Variants in OTUD7A observed in about 807,000 individuals in gnomAD.
The protein encoded by OTUD7A is OTU deubiquitinase 7A, also known as OTU domain-containing protein 7A.
A neutral mutation model predicts 65.7 loss-of-function variants in OTUD7A; 12 were observed. The ratio of observed to expected loss-of-function variants is 0.18; its 90% CI spans 0.12 to 0.30. OTUD7A has a LOEUF of 0.30. Among genes scored for constraint, OTUD7A ranks in the 10% least tolerant of loss-of-function variants. OTUD7A has a pLI of 1.00. For missense variants in OTUD7A, 1,148 were observed against 1,304.8 expected (o/e 0.88, Z 1.85); for synonymous variants, 641 against 586.3 (o/e 1.09, Z -1.35).
chr15:31,535,997 G>A (rs1353640739), intron 5 of OTUD7A, among the ~76,000 whole-genome samples: 1 of 152,100 alleles, frequency 6.6e-6, no homozygotes, highest in East Asian at 1.9e-4. Context: ...GTTTTCTAGT[G>A]AACTCATGTC....
chr15:31,620,306 C>G (rs1431446698), intron 3 of OTUD7A, among the ~76,000 whole-genome samples: 1 of 152,178 alleles, frequency 6.6e-6, no homozygotes, highest in Non-Finnish European at 1.5e-5. Context: ...AGGATTCCCT[C>G]TTTTTCTATT....
chr15:31,855,074 C>A (rs1897534030), intron 1 of OTUD7A, among the ~76,000 whole-genome samples: 1 of 151,936 alleles, frequency 6.6e-6, no homozygotes, highest in Admixed American at 6.5e-5. Context: ...AATTAACATT[C>A]TTGAATTGTT....
intron 1 of OTUD7A, among the ~76,000 whole-genome samples, chr15:31,782,822 A>G (rs931829703): frequency 1.3e-5 from 2 of 152,202 alleles, no homozygotes; most frequent in African/African-American, 4.8e-5. Context: ...GGCCTGGAGC[A>G]AGAGCTTGGC....
chr15:31,617,520 C>A (rs7161987), intron 3 of OTUD7A, among the ~76,000 whole-genome samples: 43,769 of 151,830 alleles, frequency 0.29, 7,462 homozygotes, highest in African/African-American at 0.47. Flanking sequence ...ATAACTCTGG[C>A]AAGACTTATA....
intron 1 of OTUD7A, among the ~76,000 whole-genome samples, chr15:31,756,670 AC>A (rs1894824359): frequency 5.2e-5 from 5 of 95,480 alleles, no homozygotes; most frequent in African/African-American, 1.5e-4. Context: ...ACACACACAC[AC>A]ACACACACAC....
chr15:31,869,755 G>C (rs751487077), intron 1 of OTUD7A, among the ~76,000 whole-genome samples: 1 of 152,240 alleles, frequency 6.6e-6, no homozygotes, highest in Non-Finnish European at 1.5e-5. Context: ...GGCTGCAATA[G>C]CTTCACCGGG....
At chr15:31,799,034 C>T (rs1206038220) in intron 1 of OTUD7A, among the ~76,000 whole-genome samples, 1 of 152,200 alleles carries the variant, frequency 6.6e-6, no homozygotes, top group Non-Finnish European at 1.5e-5. Context: ...CAAGAGGCAG[C>T]CACACAATTA....
chr15:31,482,916 G>A lies in OTUD7A; in HGVS notation c.*378C>T, dbSNP rs1490192258. Reference sequence around the variant, plus strand: ...GCTACCTGGAAGAGGTCATCGCTAGGGTAGGAGAAAAAAAAAAAAGCAAAA... The same window carrying A: ...GCTACCTGGAAGAGGTCATCGCTAGAGTAGGAGAAAAAAAAAAAAGCAAAA... On this transcript the variant is annotated 3_prime_UTR_variant, in exon 13 of 13. Transcript: ENST00000307050. The A allele has an allele frequency of 7.1e-6, 1 of 141,712 alleles. No homozygotes were observed. The highest frequency in any genetic ancestry group is 1.6e-5 in the Non-Finnish European group (1 of 63,402). The allele number at this position is 141,712 out of a possible 1,614,324, so 8.8% of individuals were successfully genotyped here.
chr15:31,769,089 A>T (rs538351833), intron 1 of OTUD7A, among the ~76,000 whole-genome samples: 2 of 152,254 alleles, frequency 1.3e-5, no homozygotes, highest in Non-Finnish European at 2.9e-5. Flanking sequence ...TTTAAAAATA[A>T]GACTCAACAA....
intron 3 of OTUD7A, among the ~76,000 whole-genome samples, chr15:31,589,480 T>G (rs921555543): frequency 6.6e-6 from 1 of 150,660 alleles, no homozygotes; most frequent in African/African-American, 2.5e-5. Flanking sequence ...TTTTTTTTTT[T>G]TCTGTAGAGA....
intron 1 of OTUD7A, among the ~76,000 whole-genome samples, chr15:31,667,715 C>A (rs1421429450): frequency 6.6e-6 from 1 of 151,940 alleles, no homozygotes; most frequent in African/African-American, 2.4e-5. Context: ...TTTGTTTTTG[C>A]TTTTTAACTT....
intron 1 of OTUD7A, among the ~76,000 whole-genome samples, chr15:31,666,729 T>C (rs1460926382): frequency 6.6e-6 from 1 of 152,202 alleles, no homozygotes; most frequent in Non-Finnish European, 1.5e-5. Flanking sequence ...CTTTAGAATG[T>C]CAGTTTCTGC....
intron 10 of OTUD7A, among the ~76,000 whole-genome samples, chr15:31,489,363 C>G (rs2041284876): frequency 6.6e-6 from 1 of 152,222 alleles, no homozygotes; most frequent in Non-Finnish European, 1.5e-5. Flanking sequence ...TGTTCTAGAA[C>G]AAGAATAATC....
intron 8 of OTUD7A, among the ~76,000 whole-genome samples, chr15:31,510,172 G>A (rs181885323): frequency 1.3e-5 from 2 of 151,398 alleles, no homozygotes; most frequent in South Asian, 4.2e-4. Context: ...CTTGGCCCCC[G>A]GCCGGCTGCA....
At chr15:31,813,852 CT>C (rs1306053245) in intron 1 of OTUD7A, among the ~76,000 whole-genome samples, 1 of 152,168 alleles carries the variant, frequency 6.6e-6, no homozygotes, top group Non-Finnish European at 1.5e-5. Flanking sequence ...GCAGTGACAC[CT>C]GGACAACAGT....
chr15:31,618,907 G>C (rs201374438), intron 3 of OTUD7A, among the ~76,000 whole-genome samples: 1 of 152,096 alleles, frequency 6.6e-6, no homozygotes, highest in African/African-American at 2.4e-5. Context: ...TATGGTTTTA[G>C]GTCTAATGTT....
At chr15:31,496,530 ATTCT>A (rs2041387495) in intron 10 of OTUD7A, among the ~76,000 whole-genome samples, 1 of 152,190 alleles carries the variant, frequency 6.6e-6, no homozygotes. Context: ...CCGATAAATG[ATTCT>A]TTAACACAAT....
At chr15:31,509,748 T>C (rs1163980049) in intron 8 of OTUD7A, among the ~76,000 whole-genome samples, 1 of 149,888 alleles carries the variant, frequency 6.7e-6, no homozygotes, top group Non-Finnish European at 1.5e-5. Context: ...TAATTACTTT[T>C]AAATTACGTA....
At chr15:31,852,366 G>A (rs1249257565) in intron 1 of OTUD7A, among the ~76,000 whole-genome samples, 2 of 152,168 alleles carry the variant, frequency 1.3e-5, no homozygotes, top group African/African-American at 4.8e-5. Context: ...TCACTTTTAA[G>A]TCGCCATGGC....
Sources: allele counts gnomAD v4.1 joint callset (sites outside exome capture counted in the v4.1 genomes callset), GRCh38; gene constraint gnomAD v4.1.1; transcripts MANE v1.5; gene names NCBI Gene and HGNC (gene_info 2026-07-23, HGNC 2026-07-21).